Variants in WDPCP observed in about 807,000 individuals in gnomAD.
The protein encoded by WDPCP is WD repeat-containing and planar cell polarity effector protein fritz homolog.
WDPCP carries 71 observed loss-of-function variants against 93.1 expected under a neutral mutation model. The ratio of observed to expected loss-of-function variants is 0.76; its 90% confidence interval spans 0.63 to 0.93. WDPCP has a LOEUF of 0.93. Among genes scored for constraint, WDPCP ranks in the 40% least tolerant of loss-of-function variants. The probability of loss-of-function intolerance (pLI) is 0.00; values close to 1 mark genes in which losing one functional copy is unlikely to be tolerated. For synonymous variants in WDPCP, 315 were observed against 315.0 expected (o/e 1.00, Z 0.00); for missense variants, 844 against 887.4 (o/e 0.95, Z 0.62).
chr2:63,303,197 G>A lies in WDPCP; in HGVS notation c.1812+10051C>T, dbSNP rs547642033. ...CCAAGGCCTGCATTTATTTCACTGC[G>A]ATTTTAGCTTGTTCAAGGCCACATC... is the stretch of plus-strand genomic sequence containing the variant. On this transcript the variant is annotated intron_variant, in intron 13 of 17. Coordinates refer to ENST00000272321, the MANE Select transcript of WDPCP (RefSeq NM_015910.7). 1.5e-4 allele frequency among the ~76,000 whole-genome samples: 23 copies of A among 152,204 alleles called. No homozygotes were observed. In the East Asian group the frequency reaches 3.5e-3, roughly 23 times the overall value.
intron 3 of WDPCP, among the ~76,000 whole-genome samples, chr2:63,609,897 G>A (rs1709597580): frequency 6.6e-6 from 1 of 152,146 alleles, no homozygotes; most frequent in Non-Finnish European, 1.5e-5. Context: ...AATGTTATAT[G>A]AAGAAAGTAT....
At chr2:63,614,041 C>T (rs1001231627) in intron 3 of WDPCP, among the ~76,000 whole-genome samples, 1 of 152,118 alleles carries the variant, frequency 6.6e-6, no homozygotes, top group Non-Finnish European at 1.5e-5. Flanking sequence ...AATATAAGAA[C>T]CTCCGTTCAC....
rs1234498668 is a variant in WDPCP, at chr2:63,559,546, T to C, written c.75+28651A>G. Among the ~76,000 whole-genome samples, 10 of 152,108 alleles carry C rather than the reference T, an allele frequency of 6.6e-5. No individual in the cohort carries two copies. In the East Asian group the frequency reaches 1.2e-3, roughly 18 times the overall value. ...ACCCCTTCACCTCAGCCCAAAAGTG[T>C]CTTAGGCTGATAAGTAACTTCTGCA... On this transcript the variant is annotated intron_variant, in intron 1 of 17. Transcript: ENST00000272321.
At chr2:63,801,316 G>A (rs72808215) in intron 2 of WDPCP, among the ~76,000 whole-genome samples, 25 of 152,274 alleles carry the variant, frequency 1.6e-4, no homozygotes, top group Non-Finnish European at 3.2e-4. Context: ...CTCATGATGT[G>A]TCTGGAGTGG....
chr2:63,270,839 T>C (rs1682577360), intron 13 of WDPCP, among the ~76,000 whole-genome samples: 1 of 152,192 alleles, frequency 6.6e-6, no homozygotes, highest in South Asian at 2.1e-4. Context: ...TCGGAGTCCA[T>C]GCAGTGGCAC....
At chr2:63,241,305 A>T (rs976311448) in intron 14 of WDPCP, among the ~76,000 whole-genome samples, 1 of 152,216 alleles carries the variant, frequency 6.6e-6, no homozygotes. Context: ...CAAAACTGAC[A>T]TCATTACATA....
At chr2:63,839,037 T>G in the WDPCP span, among the ~76,000 whole-genome samples, 3 of 152,240 alleles carry the variant, frequency 2.0e-5, no homozygotes. Context: ...TAGTTACAGA[T>G]GTAGCCCCTG....
At chr2:63,268,823 T>C (rs1682380650) in intron 13 of WDPCP, among the ~76,000 whole-genome samples, 1 of 152,116 alleles carries the variant, frequency 6.6e-6, no homozygotes, top group South Asian at 2.1e-4. Context: ...AAAAAATAAA[T>C]TGGTAAGGTA....
intron 2 of WDPCP, chr2:63,752,362 TC>T (rs1325897505): frequency 2.2e-5 from 17 of 775,800 alleles, no homozygotes; most frequent in Middle Eastern, 3.6e-4. Flanking sequence ...GAGAACCTTC[TC>T]TTGAGATAGC....
intron 12 of WDPCP, among the ~76,000 whole-genome samples, chr2:63,314,307 A>G (rs780358822): frequency 3.3e-5 from 5 of 151,880 alleles, no homozygotes; most frequent in Admixed American, 6.6e-5. Context: ...AGCTGGGACT[A>G]CAGGTGCACG....
intron 17 of WDPCP, among the ~76,000 whole-genome samples, chr2:63,123,820 CTT>C (rs1370634131): frequency 5.9e-5 from 9 of 151,432 alleles, no homozygotes; most frequent in African/African-American, 1.9e-4. Context: ...CTTCTAGTCT[CTT>C]TTTCTCCACG....
chr2:63,710,019 G>T (rs1447716673), intron 2 of WDPCP, among the ~76,000 whole-genome samples: 22 of 152,016 alleles, frequency 1.4e-4, no homozygotes, highest in Admixed American at 1.4e-3. Context: ...GAAATAAATT[G>T]AGAAAAAAAA....
intron 1 of WDPCP, among the ~76,000 whole-genome samples, chr2:63,539,036 C>G (rs577436967): frequency 1.4e-4 from 21 of 152,058 alleles, no homozygotes; most frequent in Admixed American, 5.2e-4. Context: ...TTCTTGAATC[C>G]AAGTCTCCTA....
At chr2:63,802,607 A>G (rs1670713179) in intron 2 of WDPCP, among the ~76,000 whole-genome samples, 1 of 152,166 alleles carries the variant, frequency 6.6e-6, no homozygotes, top group South Asian at 2.1e-4. Context: ...AACATTTCCT[A>G]CAGATGATGA....
intron 6 of WDPCP, among the ~76,000 whole-genome samples, chr2:63,454,286 A>T (rs1424015708): frequency 2.6e-5 from 4 of 151,852 alleles, no homozygotes; most frequent in African/African-American, 9.7e-5. Context: ...GTTCTCACTC[A>T]TAAGTGGGCA....
chr2:63,582,275 T>C (rs529090877), intron 1 of WDPCP, among the ~76,000 whole-genome samples: 1 of 152,132 alleles, frequency 6.6e-6, no homozygotes, highest in South Asian at 2.1e-4. Flanking sequence ...AAATAAAAAA[T>C]ATACTGGATA....
intron 1 of WDPCP, among the ~76,000 whole-genome samples, chr2:63,824,015 T>A (rs1254116059): frequency 6.6e-6 from 1 of 152,000 alleles, no homozygotes; most frequent in African/African-American, 2.4e-5. Flanking sequence ...TTGATATTGT[T>A]TGGCTCTGTG....
intron 2 of WDPCP, among the ~76,000 whole-genome samples, chr2:63,712,722 G>A (rs1400852251): frequency 6.6e-6 from 1 of 152,166 alleles, no homozygotes; most frequent in African/African-American, 2.4e-5. Context: ...CCTCCTCAAG[G>A]AGAAGTCTTT....
intron 6 of WDPCP, among the ~76,000 whole-genome samples, chr2:63,481,622 T>C (rs573225605): frequency 1.3e-5 from 2 of 152,074 alleles, no homozygotes; most frequent in African/African-American, 4.8e-5. Flanking sequence ...ACCATTATTC[T>C]AAGTGAAGTA....
Sources: allele counts gnomAD v4.1 joint callset (sites outside exome capture counted in the v4.1 genomes callset), GRCh38; gene constraint gnomAD v4.1.1; transcripts MANE v1.5; gene names NCBI Gene and HGNC (gene_info 2026-07-23, HGNC 2026-07-21).